PLXNA2: variants seen among roughly 807,000 people sequenced by gnomAD.
The protein encoded by PLXNA2 is plexin-A2.
A neutral mutation model predicts 193.5 loss-of-function variants in PLXNA2; 91 were observed. The ratio of observed to expected loss-of-function variants is 0.47; its 90% CI spans 0.40 to 0.56. The LOEUF (loss-of-function observed/expected upper bound fraction) is 0.56. PLXNA2 is among the 20% of genes least tolerant of loss of function. The pLI is 0.00. For synonymous variants in PLXNA2, 997 were observed against 1,027.3 expected (o/e 0.97, Z 0.56); for missense variants, 1,995 against 2,503.2 (o/e 0.80, Z 4.33).
chr1:208,028,708 G>T lies in PLXNA2; in HGVS notation c.5438+122C>A. On this transcript the variant is annotated intron_variant, in intron 30 of 31. Transcript: ENST00000367033. This position sits in a 1 kb window ranked among gnomAD's most constrained non-coding sequence, Gnocchi z 4.2. ...CGCAGCAGGGGGTGTGGCAGGGAGG[G>T]GAGTGGGAGGTCCTGAAGAGATGAC... 1 of 834,156 alleles carries T rather than the reference G, an allele frequency of 1.2e-6. No homozygotes were observed. The allele number at this position is 834,156 out of a possible 1,614,324, so 51.7% of individuals were successfully genotyped here. A position where few individuals can be genotyped will look rare whatever the true frequency, so the allele number is the denominator to read the frequency against.
chr1:208,204,246 G>C (rs1670643623), intron 3 of PLXNA2, among the ~76,000 whole-genome samples: 1 of 152,202 alleles, frequency 6.6e-6, no homozygotes, highest in Admixed American at 6.5e-5. Context: ...GTCATACAGA[G>C]ACTGGTGGGG....
intron 3 of PLXNA2, among the ~76,000 whole-genome samples, chr1:208,164,859 A>G (rs1669249437): frequency 6.6e-6 from 1 of 152,164 alleles, no homozygotes; most frequent in African/African-American, 2.4e-5. Context: ...TCTCGCCGGG[A>G]CCCTTGTCTG....
intron 3 of PLXNA2, among the ~76,000 whole-genome samples, chr1:208,184,457 C>T (rs1161963395): frequency 6.6e-6 from 1 of 151,830 alleles, no homozygotes; most frequent in Non-Finnish European, 1.5e-5. Context: ...ATACCAAGGC[C>T]AGCCCTAGAT....
chr1:208,185,305 C>T (rs1016688976), intron 3 of PLXNA2, among the ~76,000 whole-genome samples: 2 of 152,166 alleles, frequency 1.3e-5, no homozygotes, highest in African/African-American at 4.8e-5. Flanking sequence ...TCCCAAGGGC[C>T]AGAAAGTGCT....
At chr1:208,096,199 A>G in intron 7 of PLXNA2, 74 bp from the exon 8 acceptor site, 1 of 1,126,214 alleles carries the variant, frequency 8.9e-7, no homozygotes, top group Non-Finnish European at 1.3e-6. Context: ...CAAAAATAAA[A>G]TGTAAGTCAT....
intron 3 of PLXNA2, among the ~76,000 whole-genome samples, chr1:208,148,495 G>C (rs2102493437): frequency 6.6e-6 from 1 of 152,286 alleles, no homozygotes; most frequent in East Asian, 1.9e-4. Flanking sequence ...TTCTGTAGCT[G>C]TCCCATAATG....
At chr1:208,154,933 A>T (rs1435138616) in intron 3 of PLXNA2, among the ~76,000 whole-genome samples, 1 of 152,262 alleles carries the variant, frequency 6.6e-6, no homozygotes, top group Admixed American at 6.5e-5. Flanking sequence ...AAAGGAAAGC[A>T]TGAAAGAGGG....
Position 208,044,966 on chromosome 1 carries a change from G to T in PLXNA2, c.3639+101C>A. On this transcript the variant is annotated intron_variant, in intron 19 of 31. Transcript: ENST00000367033. The surrounding 1 kb of genome is among the most constrained non-coding windows in gnomAD (Gnocchi z 4.9). Reference sequence around the variant, plus strand: ...CCCAGAGATGAGGAGATATGGAGGGGGTGAGTCAGGCAACGAGACAGAAGA... The same window carrying T: ...CCCAGAGATGAGGAGATATGGAGGGTGTGAGTCAGGCAACGAGACAGAAGA... The T allele has an allele frequency of 2.2e-6, 3 of 1,372,802 alleles. No homozygotes were observed. The highest frequency in any genetic ancestry group is 2.1e-6 in the Non-Finnish European group (2 of 972,506). 85.0% of individuals were successfully genotyped at this position (1,372,802 alleles called of 1,614,324 possible). A position where few individuals can be genotyped will look rare whatever the true frequency, so the allele number is the denominator to read the frequency against.
At chr1:208,211,565 T>C (rs184323826) in intron 2 of PLXNA2, among the ~76,000 whole-genome samples, 25 of 152,040 alleles carry the variant, frequency 1.6e-4, no homozygotes, top group East Asian at 5.8e-4. Flanking sequence ...TGGTGGTGTG[T>C]GCCTGTAGTC....
At chr1:208,180,419 GC>G (rs1669804749) in intron 3 of PLXNA2, among the ~76,000 whole-genome samples, 1 of 152,128 alleles carries the variant, frequency 6.6e-6, no homozygotes, top group Non-Finnish European at 1.5e-5. Context: ...TCATCACATA[GC>G]CTGAGCTTTG....
chr1:208,154,041 G>C (rs1668857106), intron 3 of PLXNA2, among the ~76,000 whole-genome samples: 1 of 151,120 alleles, frequency 6.6e-6, no homozygotes, highest in African/African-American at 2.4e-5. Flanking sequence ...GGGTGGGGTG[G>C]TGAGTAAGGA....
At chr1:208,185,711 A>G (rs971865415) in intron 3 of PLXNA2, among the ~76,000 whole-genome samples, 2 of 135,384 alleles carry the variant, frequency 1.5e-5, no homozygotes, top group East Asian at 2.1e-4. Context: ...AAAAAAAAAA[A>G]AAAAAAAGGA....
chr1:208,213,862 A>G (rs1039151149), intron 2 of PLXNA2, among the ~76,000 whole-genome samples: 2 of 152,126 alleles, frequency 1.3e-5, no homozygotes, highest in African/African-American at 2.4e-5. Flanking sequence ...GGCCCCACTC[A>G]CTGTCACCTC....
At chr1:208,064,390 C>T (rs1315163486) in intron 12 of PLXNA2, among the ~76,000 whole-genome samples, 1 of 152,242 alleles carries the variant, frequency 6.6e-6, no homozygotes, top group Non-Finnish European at 1.5e-5. Context: ...CTAAGGCTGG[C>T]CTGGCAGGTG....
chr1:208,103,475 G>T (rs939735732), intron 4 of PLXNA2, among the ~76,000 whole-genome samples: 1 of 152,182 alleles, frequency 6.6e-6, no homozygotes, highest in Non-Finnish European at 1.5e-5. Flanking sequence ...TTGCCTTCGC[G>T]AGAGGTAGCA....
At position 208,082,348 on chromosome 1, in the gene PLXNA2, T is replaced by A; in HGVS notation, c.2395+64A>T. The stretch of plus-strand genomic sequence containing the variant: ...ACAGCGGCTGGCTGGCTCTGATCCC[T>A]CTAGCCCCAGTCTTTCCCGGGGTCG... On this transcript the variant is annotated intron_variant, in intron 11 of 31. Transcript: ENST00000367033. This position sits in a 1 kb window ranked among gnomAD's most constrained non-coding sequence, Gnocchi z 4.2. The A allele has an allele frequency of 7.6e-7, 1 of 1,323,462 alleles. No individual in the cohort carries two copies. The highest frequency in any genetic ancestry group is 1.2e-5 in the South Asian group (1 of 81,764). 82.0% of individuals were successfully genotyped at this position (1,323,462 alleles called of 1,614,324 possible). A position where few individuals can be genotyped will look rare whatever the true frequency, so the allele number is the denominator to read the frequency against.
Position 208,045,100 on chromosome 1 carries a change from C to G in PLXNA2, c.3606G>C (p.Glu1202Asp). 1 of 1,614,072 alleles carries G rather than the reference C, an allele frequency of 6.2e-7. No individual in the cohort carries two copies. Among genetic ancestry groups the G allele is most frequent in the South Asian group, 1.1e-5 (1 of 91,074 alleles). The change falls in exon 19 of 32, where the codon GAG (glutamate) becomes GAC (aspartate). Residue 1202 changes from glutamate to aspartate, a missense_variant. This residue lies in a region of PLXNA2 where 1,291 missense variants were observed against 1,673.6 expected (regional missense o/e 0.77). Coordinates refer to ENST00000367033, the MANE Select transcript of PLXNA2 (RefSeq NM_025179.4). ...TGTGCTGCCCGGTGAGGTTGGGAGG[C>G]TCGCAGAGAAGCTGGGTCTCAGATA... is the stretch of plus-strand genomic sequence containing the variant. ...VTVSETQLLC[E>D]PPNLTGQHKV...
intron 3 of PLXNA2, among the ~76,000 whole-genome samples, chr1:208,205,809 C>G (rs1159301333): frequency 5.9e-5 from 9 of 152,178 alleles, no homozygotes; most frequent in Admixed American, 5.2e-4. Context: ...AAGGGGAAAG[C>G]TGCATTGCTG....
intron 28 of PLXNA2, chr1:208,032,220 C>G (rs949535111): frequency 2.5e-5 from 20 of 796,774 alleles, no homozygotes; most frequent in Non-Finnish European, 2.9e-5. Context: ...TGACCTGAGA[C>G]AAGTGGTATC....
Sources: allele counts gnomAD v4.1 joint callset (sites outside exome capture counted in the v4.1 genomes callset), GRCh38; gene constraint gnomAD v4.1.1; regional missense constraint gnomAD v4.1.1; non-coding constraint Gnocchi (gnomAD v3.1); transcripts MANE v1.5; gene names NCBI Gene and HGNC (gene_info 2026-07-23, HGNC 2026-07-21).